The following NPAS2 variants were observed in gnomAD, a reference collection of about 807,000 sequenced individuals.
NPAS2 encodes neuronal PAS domain-containing protein 2.
Under a neutral mutation model 107.5 loss-of-function variants are expected in NPAS2, and 23 were observed. That is an observed-to-expected ratio of 0.21 (90% CI 0.15 to 0.30). The LOEUF (loss-of-function observed/expected upper bound fraction) is 0.30, where lower values mean the gene tolerates loss of function less well. NPAS2 is among the 10% of genes least tolerant of loss of function. NPAS2 has a pLI of 1.00. For synonymous variants in NPAS2, 403 were observed against 417.5 expected (o/e 0.97, Z 0.42); for missense variants, 756 against 1,043.3 (o/e 0.72, Z 3.79).
intron 1 of NPAS2, among the ~76,000 whole-genome samples, chr2:100,889,582 T>C (rs568637983): frequency 6.6e-6 from 1 of 152,292 alleles, no homozygotes; most frequent in South Asian, 2.1e-4. Flanking sequence ...ACACCGGATA[T>C]CCTGAAGTTG....
At chr2:100,877,463 A>AG (rs1558831783) in intron 1 of NPAS2, among the ~76,000 whole-genome samples, 1 of 149,558 alleles carries the variant, frequency 6.7e-6, no homozygotes, top group Non-Finnish European at 1.5e-5. Context: ...AAAAAAAAAA[A>AG]AAAAGAAATG....
intron 1 of NPAS2, among the ~76,000 whole-genome samples, chr2:100,886,244 T>TAA (rs1680691727): frequency 6.6e-6 from 1 of 152,200 alleles, no homozygotes; most frequent in Admixed American, 6.5e-5. Flanking sequence ...ACATTTAAAG[T>TAA]ATGATTCACT....
At chr2:100,945,999 T>C (rs1674870659) in intron 5 of NPAS2, among the ~76,000 whole-genome samples, 1 of 152,218 alleles carries the variant, frequency 6.6e-6, no homozygotes, top group African/African-American at 2.4e-5. Flanking sequence ...GGCCCTGCTC[T>C]CCTGAAGCTC....
chr2:100,898,585 C>T (rs1681570238), intron 1 of NPAS2, among the ~76,000 whole-genome samples: 1 of 152,088 alleles, frequency 6.6e-6, no homozygotes, highest in African/African-American at 2.4e-5. Flanking sequence ...GTTTAAACAA[C>T]AGAGGAGTTA....
chr2:100,941,396 CT>C (rs1674567823), intron 5 of NPAS2, among the ~76,000 whole-genome samples: 2 of 152,084 alleles, frequency 1.3e-5, no homozygotes, highest in African/African-American at 4.8e-5. Context: ...ACACCCGTCT[CT>C]ACAAAAAATC....
chr2:100,970,719 A>G, intron 11 of NPAS2: 1 of 349,116 alleles, frequency 2.9e-6, no homozygotes, highest in Admixed American at 4.6e-5. Context: ...ATTTCAGGGA[A>G]GTAAAAAGAA....
At chr2:100,878,118 G>A (rs748025011) in intron 1 of NPAS2, 34 of 985,308 alleles carry the variant, frequency 3.5e-5, no homozygotes, top group Non-Finnish European at 4.0e-5. Context: ...TTGTTTGGCA[G>A]CAGCTGAGAC....
At chr2:100,910,415 G>A (rs1017414578) in intron 2 of NPAS2, among the ~76,000 whole-genome samples, 5 of 152,004 alleles carry the variant, frequency 3.3e-5, no homozygotes, top group Non-Finnish European at 7.4e-5. Flanking sequence ...ACCCCCAGAC[G>A]CTTTGCTAAG....
intron 1 of NPAS2, among the ~76,000 whole-genome samples, chr2:100,839,705 G>T (rs1677275936): frequency 6.6e-6 from 1 of 152,074 alleles, no homozygotes. Flanking sequence ...CCCCTGCATT[G>T]TTCAAGAGTC....
At chr2:100,854,520 C>G (rs1389293915) in intron 1 of NPAS2, among the ~76,000 whole-genome samples, 1 of 152,142 alleles carries the variant, frequency 6.6e-6, no homozygotes, top group African/African-American at 2.4e-5. Flanking sequence ...CCCCAGCAAC[C>G]CCAGGGGAAA....
At chr2:100,978,278 G>C (rs1367221300) in intron 15 of NPAS2, among the ~76,000 whole-genome samples, 1 of 152,108 alleles carries the variant, frequency 6.6e-6, no homozygotes, top group East Asian at 1.9e-4. Flanking sequence ...TTTCTGAGTT[G>C]CTTCATTTAG....
chr2:100,958,745 G>A (rs116098558), intron 7 of NPAS2, among the ~76,000 whole-genome samples: 3,189 of 152,190 alleles, frequency 0.021, 43 homozygotes, highest in Non-Finnish European at 0.031. Flanking sequence ...AAAAATGTGT[G>A]TGAGATATCC....
At chr2:100,851,566 T>A (rs1239786076) in intron 1 of NPAS2, among the ~76,000 whole-genome samples, 1 of 152,188 alleles carries the variant, frequency 6.6e-6, no homozygotes, top group Non-Finnish European at 1.5e-5. Context: ...CTTGAAAAGC[T>A]TTGTGTGGTT....
intron 4 of NPAS2, chr2:100,934,254 A>G (rs1249601747): frequency 6.6e-6 from 1 of 152,222 alleles, no homozygotes; most frequent in Non-Finnish European, 1.5e-5. Context: ...TCTTATGGAA[A>G]AGTAGTTAAA....
At chr2:100,846,270 A>G (rs937100480) in intron 1 of NPAS2, among the ~76,000 whole-genome samples, 6 of 152,278 alleles carry the variant, frequency 3.9e-5, no homozygotes, top group Non-Finnish European at 8.8e-5. Context: ...GCTAGAAGAT[A>G]TGAATAAAAA....
chr2:100,899,293 G>A (rs1224234422), intron 1 of NPAS2, among the ~76,000 whole-genome samples: 1 of 150,078 alleles, frequency 6.7e-6, no homozygotes, highest in Non-Finnish European at 1.5e-5. Context: ...GCGTGATCAC[G>A]GTGCACTGCA....
At chr2:100,880,528 G>A (rs1280498766) in intron 1 of NPAS2, among the ~76,000 whole-genome samples, 2 of 152,142 alleles carry the variant, frequency 1.3e-5, no homozygotes, top group Admixed American at 6.6e-5. Flanking sequence ...AAGACGCCAT[G>A]GCAAAAGGTT....
Position 100,931,483 on chromosome 2 carries a change from C to CT in NPAS2, c.182-1406dup, listed in dbSNP as rs10709889. Among the ~76,000 whole-genome samples, 645 of 81,272 alleles carry CT rather than the reference C, an allele frequency of 7.9e-3. 8 individuals carry two copies. The highest frequency in any genetic ancestry group is 0.016 in the East Asian group (52 of 3,252). The allele number at this position is 81,272 out of a possible 152,430, so 53.3% of individuals were successfully genotyped here. On this transcript the variant is annotated intron_variant, in intron 3 of 20. Coordinates refer to ENST00000335681, the MANE Select transcript of NPAS2 (RefSeq NM_002518.4). The stretch of plus-strand genomic sequence containing the variant: ...ACAGGGTGATGCGCATAACTCAGCT[C>CT]TTTTTTTTTTTTTTTTTTTTTGACA...
At chr2:100,927,979 C>T (rs1263633377) in intron 3 of NPAS2, among the ~76,000 whole-genome samples, 1 of 152,104 alleles carries the variant, frequency 6.6e-6, no homozygotes, top group East Asian at 1.9e-4. Context: ...TACAGTTCTT[C>T]CATGCAGGCA....
Sources: allele counts gnomAD v4.1 joint callset (sites outside exome capture counted in the v4.1 genomes callset), GRCh38; gene constraint gnomAD v4.1.1; transcripts MANE v1.5; gene names NCBI Gene and HGNC (gene_info 2026-07-23, HGNC 2026-07-21).